EGFLAM: variants seen among roughly 807,000 people sequenced by gnomAD.
The protein encoded by EGFLAM is pikachurin.
In EGFLAM, 79 loss-of-function variants were observed where a neutral mutation model predicts 113.1. That is an observed-to-expected ratio of 0.70 (90% CI 0.58 to 0.84). The LOEUF is 0.84. Among genes scored for constraint, EGFLAM ranks in the 40% least tolerant of loss-of-function variants. EGFLAM has a pLI of 0.00. For missense variants in EGFLAM, 1,265 were observed against 1,291.6 expected (o/e 0.98, Z 0.32); for synonymous variants, 504 against 487.6 (o/e 1.03, Z -0.44).
chr5:38,458,304 G>T lies in EGFLAM; in HGVS notation c.2688-7G>T. 1 of 1,613,066 alleles carries T rather than the reference G, an allele frequency of 6.2e-7. No individual in the cohort carries two copies. Among genetic ancestry groups the T allele is most frequent in the South Asian group, 1.1e-5 (1 of 90,920 alleles). On this transcript the variant is annotated splice_polypyrimidine_tract_variant and splice_region_variant and intron_variant, in intron 19 of 21. Coordinates refer to ENST00000322350, the MANE Select transcript of EGFLAM (RefSeq NM_152403.4). Reference sequence around the variant, plus strand: ...GTTCTCTGTCTTCTTCTTCTCCAATGCCTTAGCTATAACCTGGGCAGTGGT... The same window carrying T: ...GTTCTCTGTCTTCTTCTTCTCCAATTCCTTAGCTATAACCTGGGCAGTGGT...
chr5:38,350,491 T>A lies in EGFLAM; in HGVS notation c.292-10T>A, dbSNP rs775718455. The A allele has an allele frequency of 6.2e-7, 1 of 1,612,776 alleles. No homozygotes were observed. The highest frequency in any genetic ancestry group is 1.1e-5 in the South Asian group (1 of 90,872). Reference sequence around the variant, plus strand: ...GATTGTTAGCATCTTTCTTGTTTGGTCATTGACAGGAGGAAGTGATTGGAG... The same window carrying A: ...GATTGTTAGCATCTTTCTTGTTTGGACATTGACAGGAGGAAGTGATTGGAG... On this transcript the variant is annotated splice_polypyrimidine_tract_variant and intron_variant, in intron 3 of 21. Transcript: ENST00000322350.
At chr5:38,381,390 G>A (rs938385123) in intron 6 of EGFLAM, among the ~76,000 whole-genome samples, 1 of 152,146 alleles carries the variant, frequency 6.6e-6, no homozygotes, top group African/African-American at 2.4e-5. Flanking sequence ...GGTGCATGCT[G>A]GCTGAGTTTG....
intron 1 of EGFLAM, 51 bp from the exon 2 acceptor site, chr5:38,337,469 C>T (rs372373733): frequency 6.7e-7 from 1 of 1,481,530 alleles, no homozygotes; most frequent in Non-Finnish European, 9.2e-7. Context: ...TAAGTATACT[C>T]AAGGTGGGAT....
At chr5:38,379,413 C>A (rs765213249) in intron 6 of EGFLAM, among the ~76,000 whole-genome samples, 1 of 151,432 alleles carries the variant, frequency 6.6e-6, no homozygotes, top group Non-Finnish European at 1.5e-5. Context: ...ATGCATGGAA[C>A]CTCCAAAGAA....
At chr5:38,376,229 G>A (rs1052055274) in intron 6 of EGFLAM, among the ~76,000 whole-genome samples, 2 of 152,116 alleles carry the variant, frequency 1.3e-5, no homozygotes, top group Admixed American at 1.3e-4. Flanking sequence ...CTTTCATCAA[G>A]TAGAATGAAA....
intron 21 of EGFLAM, 138 bp from the exon 22 acceptor site, chr5:38,463,694 C>A: frequency 2.1e-6 from 2 of 956,276 alleles, no homozygotes; most frequent in Non-Finnish European, 3.1e-6. Context: ...GCTCAAGGGG[C>A]CCACAGCCCT....
At chr5:38,413,161 G>A (rs1463931936) in intron 11 of EGFLAM, among the ~76,000 whole-genome samples, 1 of 151,296 alleles carries the variant, frequency 6.6e-6, no homozygotes, top group Non-Finnish European at 1.5e-5. Context: ...TGGAACTACA[G>A]GCATGTGCCA....
At chr5:38,314,722 C>T (rs1393863884) in intron 1 of EGFLAM, among the ~76,000 whole-genome samples, 1 of 152,204 alleles carries the variant, frequency 6.6e-6, no homozygotes, top group African/African-American at 2.4e-5. Flanking sequence ...TGGCAGAATG[C>T]TATTGTTAAT....
intron 1 of EGFLAM, among the ~76,000 whole-genome samples, chr5:38,269,735 C>T (rs1158821513): frequency 9.9e-5 from 15 of 152,116 alleles, no homozygotes; most frequent in Non-Finnish European, 1.6e-4. Flanking sequence ...ATGATCCGCC[C>T]GCCTCGGCCT....
chr5:38,268,406 G>C (rs918763512), intron 1 of EGFLAM, among the ~76,000 whole-genome samples: 2 of 90,968 alleles, frequency 2.2e-5, no homozygotes, highest in Non-Finnish European at 4.3e-5. Flanking sequence ...AAGAAGTCTT[G>C]TGAGAGATTT....
intron 17 of EGFLAM, among the ~76,000 whole-genome samples, chr5:38,447,930 C>T (rs1742769943): frequency 6.6e-6 from 1 of 152,204 alleles, no homozygotes; most frequent in Admixed American, 6.5e-5. Flanking sequence ...TTTGTTTTCT[C>T]TGCCTCCCTA....
At chr5:38,395,771 T>C (rs1487924992) in intron 6 of EGFLAM, among the ~76,000 whole-genome samples, 2 of 152,180 alleles carry the variant, frequency 1.3e-5, no homozygotes, top group African/African-American at 4.8e-5. Flanking sequence ...TCACTCTCCC[T>C]GATGTAGCTC....
At chr5:38,321,713 C>T (rs1738746854) in intron 1 of EGFLAM, among the ~76,000 whole-genome samples, 1 of 152,132 alleles carries the variant, frequency 6.6e-6, no homozygotes, top group African/African-American at 2.4e-5. Context: ...TTGCTCTCTG[C>T]CAGAAGTCAA....
chr5:38,332,836 G>T (rs1243033475), intron 1 of EGFLAM, among the ~76,000 whole-genome samples: 1 of 152,124 alleles, frequency 6.6e-6, no homozygotes, highest in Non-Finnish European at 1.5e-5. Flanking sequence ...GGTGTTCCTT[G>T]CCCTCATTCC....
intron 5 of EGFLAM, among the ~76,000 whole-genome samples, chr5:38,357,883 T>TTAG (rs1739805041): frequency 1.4e-5 from 2 of 142,444 alleles, no homozygotes; most frequent in Admixed American, 7.1e-5. Context: ...TTTTTTTTGA[T>TTAG]ATTGAGTCTT....
intron 19 of EGFLAM, among the ~76,000 whole-genome samples, chr5:38,452,495 C>T (rs961728712): frequency 1.3e-5 from 2 of 152,138 alleles, no homozygotes; most frequent in African/African-American, 4.8e-5. Context: ...CTGCATGTTC[C>T]CTACTCATAA....
intron 1 of EGFLAM, among the ~76,000 whole-genome samples, chr5:38,293,575 T>G (rs1320986916): frequency 6.6e-6 from 1 of 152,230 alleles, no homozygotes; most frequent in African/African-American, 2.4e-5. Context: ...TATTTTTTCC[T>G]TAGCTGTTTT....
chr5:38,332,093 G>T (rs1739058250), intron 1 of EGFLAM, among the ~76,000 whole-genome samples: 1 of 152,130 alleles, frequency 6.6e-6, no homozygotes, highest in Non-Finnish European at 1.5e-5. Flanking sequence ...ATTTTGTGTT[G>T]TCAGTGCTCT....
In EGFLAM at chr5:38,456,359, C is replaced by T. The variant is rs566979972; in HGVS notation, c.2688-1952C>T. Among the ~76,000 whole-genome samples, 17 of 152,268 alleles carry T rather than the reference C, an allele frequency of 1.1e-4. No homozygotes were observed. The East Asian group carries it at 2.7e-3, about 24-fold the overall frequency. On this transcript the variant is annotated intron_variant, in intron 19 of 21. Transcript: ENST00000322350. Reference sequence around the variant, plus strand: ...TGTCCGTGCTCTTTCTATCACCCCACGCTGCCTCTCAGAACGGCCATAGAT... The same window carrying T: ...TGTCCGTGCTCTTTCTATCACCCCATGCTGCCTCTCAGAACGGCCATAGAT...
Sources: gnomAD v4.1 joint callset for allele counts (sites outside exome capture counted in the v4.1 genomes callset) on GRCh38, gnomAD v4.1.1 for gene constraint, MANE v1.5 for transcripts, NCBI Gene and HGNC (gene_info 2026-07-23, HGNC 2026-07-21) for gene names.